Variants in MRPL43 observed in about 807,000 individuals in gnomAD.
The protein encoded by MRPL43 is mitochondrial ribosomal protein L43.
MRPL43 carries 9 observed loss-of-function variants against 12.7 expected under a neutral mutation model. That is an observed-to-expected ratio of 0.71 (90% confidence interval 0.43 to 1.24). MRPL43 has a LOEUF of 1.24. MRPL43 is among the 50% of genes most tolerant of loss of function. The pLI is 0.00. For synonymous variants in MRPL43, 116 were observed against 96.4 expected (o/e 1.20, Z -1.19); for missense variants, 211 against 229.2 (o/e 0.92, Z 0.51).
At chr10:100,978,399 C>T (rs200494449), downstream of MRPL43, 8 of 1,611,746 alleles carry the variant, frequency 5.0e-6, no homozygotes, top group East Asian at 1.8e-4. Context: ...GTGAGCAGGC[C>T]TTCTTCCCTA....
chr10:100,983,344 G>A (rs773478369), downstream of MRPL43: 17 of 1,593,360 alleles, frequency 1.1e-5, no homozygotes, highest in South Asian at 4.5e-5. Flanking sequence ...GTGCTCCGGG[G>A]TGATGATGTC....
At chr10:100,979,073 C>T, downstream of MRPL43, 1 of 1,612,996 alleles carries the variant, frequency 6.2e-7, no homozygotes, top group Non-Finnish European at 8.5e-7. Flanking sequence ...CTGACCCTGG[C>T]CCCTTATCCC....
downstream of MRPL43, chr10:100,984,056 C>T (rs141726768): frequency 2.0e-5 from 33 of 1,613,572 alleles, no homozygotes; most frequent in African/African-American, 6.7e-5. Context: ...GCTCCTTCGC[C>T]GAGGAACTCA....
At chr10:100,978,396 G>A (rs1359155543), downstream of MRPL43, 1 of 1,612,172 alleles carries the variant, frequency 6.2e-7, no homozygotes, top group East Asian at 2.2e-5. Context: ...TTGGTGAGCA[G>A]GCCTTCTTCC....
rs1000734618 is a variant in MRPL43 at position 100,987,112 on chromosome 10, C to T, written c.216G>A (p.Val72=). The change falls in exon 2 of 3, where the codon GTG becomes GTA. Residue 72 remains valine (V), a synonymous_variant. Transcript: ENST00000318364. ...VIYVNSRPCC[V]PRVVAEYLNG... ...CACGGTATTCGGCCACTACTCTGGG[C>T]ACGCAGCACGGACGCGAGTTTACAT... The T allele has an allele frequency of 2.0e-5, 32 of 1,613,652 alleles. 1 individual carries two copies. Among genetic ancestry groups the T allele is most frequent in the Non-Finnish European group, 2.5e-5 (30 of 1,180,044 alleles).
chr10:100,986,990 G>A lies in MRPL43; in HGVS notation c.239-15C>T, dbSNP rs1343051395. On this transcript the variant is annotated splice_polypyrimidine_tract_variant and intron_variant, in intron 2 of 2. Coordinates refer to ENST00000318364, the MANE Select transcript of MRPL43 (RefSeq NM_032112.3). The stretch of plus-strand genomic sequence containing the variant: ...AGCCCCGTTAACTGGCAGAAGAGGG[G>A]TGAGAGTGGGTGGAAGCTGGCCGGT... The A allele has an allele frequency of 4.4e-6, 7 of 1,605,198 alleles. No individual in the cohort carries two copies. The East Asian group carries it at 1.6e-4, about 36-fold the overall frequency.
At chr10:100,980,303 C>T (rs147741050), downstream of MRPL43, 1,434 of 1,614,242 alleles carry the variant, frequency 8.9e-4, 3 homozygotes, top group Non-Finnish European at 1.1e-3. Flanking sequence ...CCTGTCACCA[C>T]GCCTGCTGGA....
Position 100,986,774 on chromosome 10 carries a change from T to G in MRPL43, c.440A>C (p.Glu147Ala). The change falls in exon 3 of 3, where the codon GAG (glutamate) becomes GCG (alanine). Residue 147 changes from glutamate to alanine, a missense_variant. Coordinates refer to ENST00000318364, the MANE Select transcript of MRPL43 (RefSeq NM_032112.3). ...CTGGGCTGGGGCAGGATCCTGAACC[T>G]CTCGGGGGCGTAGCCCGCGGAACGT... ...PTTFRGLRPREVQDPAPAQVQ... is the reference protein window; with the variant it reads ...PTTFRGLRPRAVQDPAPAQVQ... 6.2e-7 allele frequency: 1 copy of G among 1,613,752 alleles called. No individual in the cohort carries two copies. Among genetic ancestry groups the G allele is most frequent in the Non-Finnish European group, 8.5e-7 (1 of 1,179,986 alleles).
chr10:100,983,719 G>A (rs761134134), downstream of MRPL43: 32 of 1,613,394 alleles, frequency 2.0e-5, no homozygotes, highest in South Asian at 3.3e-5. Context: ...GCCTGTCTGC[G>A]GGAAGGCAGA....
At chr10:100,984,331 G>C (rs932827701), downstream of MRPL43, 27 of 1,441,796 alleles carry the variant, frequency 1.9e-5, no homozygotes, top group African/African-American at 3.6e-4. Context: ...CATGTGAGCA[G>C]CCCAGGCCCA....
At chr10:100,983,358 C>A, downstream of MRPL43, 1 of 1,602,454 alleles carries the variant, frequency 6.2e-7, no homozygotes, top group Non-Finnish European at 8.5e-7. Context: ...TGATGTCCTC[C>A]TGCCCTGTGA....
chr10:100,984,458 T>A (rs1035962765), downstream of MRPL43: 18 of 1,519,242 alleles, frequency 1.2e-5, no homozygotes, highest in African/African-American at 2.3e-4. Context: ...CCTGTTCCAT[T>A]CATCTGCCCA....
chr10:100,984,095 G>A (rs750866450), downstream of MRPL43: 13 of 1,613,170 alleles, frequency 8.1e-6, no homozygotes, highest in Admixed American at 5.0e-5. Flanking sequence ...GGAAGCACAC[G>A]CAGCTCGTGG....
chr10:100,984,150 A>G, downstream of MRPL43: 4 of 1,588,530 alleles, frequency 2.5e-6, no homozygotes, highest in Non-Finnish European at 3.4e-6. Context: ...TCCCAGAACA[A>G]ATGCTCTTCC....
At chr10:100,977,855 T>A, downstream of MRPL43, 1 of 793,600 alleles carries the variant, frequency 1.3e-6, no homozygotes, top group South Asian at 1.5e-5. Flanking sequence ...GGGACTTCCA[T>A]ACAGGGCACT....
chr10:100,983,700 C>A, downstream of MRPL43: 2 of 1,613,604 alleles, frequency 1.2e-6, no homozygotes, highest in Non-Finnish European at 1.7e-6. Flanking sequence ...CTCCTCCCTC[C>A]TCTATGTGGC....
At chr10:100,985,654 CT>C (rs898819476), downstream of MRPL43, 18 of 152,726 alleles carry the variant, frequency 1.2e-4, no homozygotes, top group African/African-American at 4.1e-4. Context: ...GCGCCCACCC[CT>C]GATCACCAGG....
At chr10:100,983,893 A>T, downstream of MRPL43, 1 of 1,538,934 alleles carries the variant, frequency 6.5e-7, no homozygotes. Flanking sequence ...ATCCCTGGGG[A>T]GGGAGCCCCA....
At chr10:100,984,114 G>T, downstream of MRPL43, 1 of 1,611,456 alleles carries the variant, frequency 6.2e-7, no homozygotes, top group South Asian at 1.1e-5. Context: ...GGAGCAGCTA[G>T]ATGAGAGCTC....
Sources: gnomAD v4.1 joint callset for allele counts on GRCh38, gnomAD v4.1.1 for gene constraint, MANE v1.5 for transcripts, NCBI Gene and HGNC (gene_info 2026-07-23, HGNC 2026-07-21) for gene names.